CIT: variants seen among roughly 807,000 people sequenced by gnomAD.
The protein encoded by CIT is citron Rho-interacting kinase.
Under a neutral mutation model 272.7 loss-of-function variants are expected in CIT, and 79 were observed. The ratio of observed to expected loss-of-function variants is 0.29; its 90% CI spans 0.24 to 0.35. The LOEUF is 0.35. Ranked by LOEUF, CIT falls within the 10% of genes least tolerant of loss-of-function variation. The pLI is 1.00. For missense variants in CIT, 1,909 were observed against 2,618.3 expected, an observed-to-expected ratio of 0.73 and a Z score of 5.91; for synonymous variants, 948 against 995.6, an observed-to-expected ratio of 0.95 and a Z score of 0.90.
chr12:119,731,841 C>CTT (rs1344053078), intron 26 of CIT, among the ~76,000 whole-genome samples: 2 of 98,590 alleles, frequency 2.0e-5, no homozygotes, highest in Non-Finnish European at 4.1e-5. Flanking sequence ...TATATATATA[C>CTT]TTTTTTTTTT....
chr12:119,705,394 C>T (rs760660951), intron 40 of CIT, among the ~76,000 whole-genome samples: 1 of 151,970 alleles, frequency 6.6e-6, no homozygotes, highest in South Asian at 2.1e-4. Context: ...AGTCCTGGCA[C>T]GAAGGTCAGC....
intron 20 of CIT, among the ~76,000 whole-genome samples, chr12:119,759,373 G>A (rs369368226): frequency 4.9e-4 from 74 of 152,318 alleles, no homozygotes; most frequent in African/African-American, 1.6e-3. Flanking sequence ...CCAGCCGGGC[G>A]CGGCGGCTTA....
At position 119,734,312 on chromosome 12, in the gene CIT, C is replaced by T; in HGVS notation, c.3202G>A (p.Val1068Ile). 1 of 1,613,948 alleles carries T rather than the reference C, an allele frequency of 6.2e-7. No homozygotes were observed. The highest frequency in any genetic ancestry group is 1.1e-5 in the South Asian group (1 of 91,070). ...TCGTTTAGGGCCTCCAAATCCATGA[C>T]CTGTTCCTCCAGCATGGTGCACGTG... ...KTTCTMLEEQ[V>I]MDLEALNDEL... Residue 1068 changes from valine to isoleucine, a missense_variant, in exon 26 of 48, where the codon GTC (valine) becomes ATC (isoleucine). This residue lies in a region of CIT where 530 missense variants were observed against 822.4 expected (regional missense o/e 0.64). Transcript: ENST00000392521.
intron 4 of CIT, among the ~76,000 whole-genome samples, chr12:119,857,050 C>T (rs1178002127): frequency 6.6e-6 from 1 of 152,126 alleles, no homozygotes; most frequent in East Asian, 1.9e-4. Context: ...AAAAAGATAA[C>T]GTTCTACCTG....
intron 2 of CIT, among the ~76,000 whole-genome samples, chr12:119,870,016 T>A (rs1164131556): frequency 1.3e-5 from 2 of 152,158 alleles, no homozygotes; most frequent in Non-Finnish European, 2.9e-5. Flanking sequence ...CCCAAAGACA[T>A]GAGTCTGCAA....
At position 119,697,223 on chromosome 12, in the gene CIT, G is replaced by T. The variant is rs111823698; in HGVS notation, c.5882+436C>A. Among the ~76,000 whole-genome samples the T allele has an allele frequency of 7.2e-4, 109 of 152,130 alleles. 1 individual carries two copies. Among genetic ancestry groups the T allele is most frequent in the African/African-American group, 2.4e-3 (99 of 41,498 alleles). Reference sequence around the variant, plus strand: ...CCAGGCTTTCAACCACCCCACCAGGGCCTCATCCTTCCATGCCTTAATCTC... The same window carrying T: ...CCAGGCTTTCAACCACCCCACCAGGTCCTCATCCTTCCATGCCTTAATCTC... On this transcript the variant is annotated intron_variant, in intron 46 of 47. Coordinates refer to ENST00000392521, the MANE Select transcript of CIT (RefSeq NM_001206999.2). This position sits in a 1 kb window ranked among gnomAD's most constrained non-coding sequence, Gnocchi z 4.9.
At position 119,784,845 on chromosome 12, in the gene CIT, C is replaced by T; in HGVS notation, c.1401+115G>A. ...GACTTCAGCGAAGGCAGGAGCGCCT[C>T]ACTCTCTACGGATCAGGCGGCTCAG... On this transcript the variant is annotated intron_variant, in intron 11 of 47. Coordinates refer to ENST00000392521, the MANE Select transcript of CIT (RefSeq NM_001206999.2). The surrounding 1 kb of genome is among the most constrained non-coding windows in gnomAD (Gnocchi z 4.7). 1 of 1,476,842 alleles carries T rather than the reference C, an allele frequency of 6.8e-7. No individual in the cohort carries two copies. Among genetic ancestry groups the T allele is most frequent in the Non-Finnish European group, 9.0e-7 (1 of 1,114,662 alleles). 91.5% of individuals were successfully genotyped at this position (1,476,842 alleles called of 1,614,324 possible). A position where few individuals can be genotyped will look rare whatever the true frequency, so the allele number is the denominator to read the frequency against.
intron 3 of CIT, among the ~76,000 whole-genome samples, chr12:119,862,298 T>C (rs1950363830): frequency 6.6e-6 from 1 of 152,094 alleles, no homozygotes; most frequent in African/African-American, 2.4e-5. Flanking sequence ...CCTGGCCACC[T>C]TGGGGTACGT....
intron 2 of CIT, among the ~76,000 whole-genome samples, chr12:119,873,243 A>G (rs371921377): frequency 6.6e-6 from 1 of 151,656 alleles, no homozygotes; most frequent in East Asian, 1.9e-4. Context: ...TAAGCCCTTA[A>G]TAAGTTGGAA....
chr12:119,734,604 C>A (rs572471900), intron 25 of CIT, among the ~76,000 whole-genome samples: 1 of 152,196 alleles, frequency 6.6e-6, no homozygotes, highest in African/African-American at 2.4e-5. Context: ...AAGCCATTTA[C>A]ATTGATCCCC....
At chr12:119,691,429 A>G (rs1955940468) in intron 46 of CIT, among the ~76,000 whole-genome samples, 1 of 152,054 alleles carries the variant, frequency 6.6e-6, no homozygotes, top group Admixed American at 6.6e-5. Flanking sequence ...CTCTGCCCCC[A>G]TGTGGCTTTC....
At chr12:119,743,356 T>A (rs1959154699) in intron 23 of CIT, among the ~76,000 whole-genome samples, 1 of 151,946 alleles carries the variant, frequency 6.6e-6, no homozygotes, top group Admixed American at 6.6e-5. Context: ...AGCCATGCAA[T>A]GGACAGGAGA....
intron 39 of CIT, among the ~76,000 whole-genome samples, chr12:119,709,731 T>C (rs1214027321): frequency 1.3e-5 from 2 of 149,984 alleles, no homozygotes; most frequent in African/African-American, 2.5e-5. Flanking sequence ...CTTGGCGTCA[T>C]ACCTGCAACT....
chr12:119,776,840 C>A lies in CIT; in HGVS notation c.1668G>T (p.Glu556Asp). ...SRKLQEIKEQ[E>D]YQAQVEEMRL... ...TCATTTCTTCCACTTGAGCCTGGTA[C>A]TCCTAAAGAGCAGGCAATGAAATAA... The change falls in exon 14 of 48, where the codon GAG becomes GAT. Residue 556 changes from glutamate (E) to aspartate (D), a missense_variant and splice_region_variant. Physicochemically the swap from Glu to Asp is conservative, Grantham distance 45. Around this residue, in one of 8 missense-constraint regions of CIT, gnomAD observed 3 missense variants for 21.3 expected, o/e 0.14. Coordinates refer to ENST00000392521, the MANE Select transcript of CIT (RefSeq NM_001206999.2). The A allele has an allele frequency of 6.2e-7, 1 of 1,613,740 alleles. No homozygotes were observed. The highest frequency in any genetic ancestry group is 2.2e-5 in the East Asian group (1 of 44,876).
chr12:119,797,391 A>G (rs899391184), intron 10 of CIT, among the ~76,000 whole-genome samples: 7 of 152,244 alleles, frequency 4.6e-5, no homozygotes, highest in African/African-American at 1.4e-4. Flanking sequence ...TAGGAGAACA[A>G]GCTGTGCTTG....
At chr12:119,833,258 A>G (rs1968767389) in intron 6 of CIT, among the ~76,000 whole-genome samples, 1 of 152,178 alleles carries the variant, frequency 6.6e-6, no homozygotes, top group East Asian at 1.9e-4. Context: ...GGAAAAGCTG[A>G]GACTCTATCT....
At chr12:119,830,008 A>G (rs1388675068) in intron 7 of CIT, among the ~76,000 whole-genome samples, 4 of 151,776 alleles carry the variant, frequency 2.6e-5, no homozygotes, top group African/African-American at 9.7e-5. Context: ...TTTAGAACCT[A>G]CTTTAGGCCT....
chr12:119,688,501 C>T (rs1361751542), intron 47 of CIT, among the ~76,000 whole-genome samples: 1 of 152,268 alleles, frequency 6.6e-6, no homozygotes, highest in Non-Finnish European at 1.5e-5. Flanking sequence ...CATGCACATA[C>T]ACAGTTTCAT....
chr12:119,873,411 G>C (rs2138427984), intron 2 of CIT, among the ~76,000 whole-genome samples: 1 of 151,938 alleles, frequency 6.6e-6, no homozygotes, highest in Middle Eastern at 3.4e-3. Flanking sequence ...CCGAGTAGCT[G>C]GGACTACAGG....
Sources: allele counts gnomAD v4.1 joint callset (sites outside exome capture counted in the v4.1 genomes callset), GRCh38; gene constraint gnomAD v4.1.1; regional missense constraint gnomAD v4.1.1; non-coding constraint Gnocchi (gnomAD v3.1); transcripts MANE v1.5; gene names NCBI Gene and HGNC (gene_info 2026-07-23, HGNC 2026-07-21).